Variants in SLC44A1 observed in about 807,000 individuals in gnomAD.
SLC44A1 encodes the protein solute carrier family 44 member 1.
A neutral mutation model predicts 79.3 loss-of-function variants in SLC44A1; 26 were observed. The ratio of observed to expected loss-of-function variants is 0.33; its 90% confidence interval spans 0.24 to 0.46. The LOEUF (loss-of-function observed/expected upper bound fraction) is 0.46. Ranked by LOEUF, SLC44A1 falls within the 20% of genes least tolerant of loss-of-function variation. SLC44A1 has a pLI of 1.00. For synonymous variants in SLC44A1, 263 were observed against 286.2 expected (o/e 0.92, Z 0.82); for missense variants, 688 against 798.1 (o/e 0.86, Z 1.66).
At chr9:105,388,769 A>C (rs1414066944) in intron 15 of SLC44A1, among the ~76,000 whole-genome samples, 1 of 152,208 alleles carries the variant, frequency 6.6e-6, no homozygotes, top group Non-Finnish European at 1.5e-5. Context: ...GAAAGAACTT[A>C]AAGAGAAAAG....
intron 4 of SLC44A1, among the ~76,000 whole-genome samples, chr9:105,344,395 A>T (rs981588006): frequency 6.6e-6 from 1 of 152,174 alleles, no homozygotes; most frequent in African/African-American, 2.4e-5. Context: ...TGGCTGTCAC[A>T]CTGGGTGAGA....
chr9:105,361,531 T>G (rs533350614), intron 8 of SLC44A1, among the ~76,000 whole-genome samples: 2 of 152,338 alleles, frequency 1.3e-5, no homozygotes, highest in African/African-American at 2.4e-5. Flanking sequence ...TGAAACATTT[T>G]TTCTACCCTG....
chr9:105,366,284 G>A (rs1827937912), intron 11 of SLC44A1, 62 bp from the exon 12 acceptor site: 2 of 811,744 alleles, frequency 2.5e-6, no homozygotes, highest in Non-Finnish European at 3.8e-6. Context: ...AACGTTTGAA[G>A]TCTTCTATGT....
At chr9:105,252,930 T>C (rs910963227) in intron 1 of SLC44A1, among the ~76,000 whole-genome samples, 2 of 152,256 alleles carry the variant, frequency 1.3e-5, no homozygotes, top group African/African-American at 4.8e-5. Flanking sequence ...AAAACAGATT[T>C]ACATTTTTCA....
chr9:105,358,440 T>C lies in SLC44A1; in HGVS notation c.760+7T>C. ...GTCATACTCGGTTCACTTGGTAAGC[T>C]ATTTATTTCTTTGTTTTCTACCTCA... is the stretch of plus-strand genomic sequence containing the variant. On this transcript the variant is annotated splice_region_variant and intron_variant, in intron 7 of 15. Coordinates refer to ENST00000374720, the MANE Select transcript of SLC44A1 (RefSeq NM_080546.5). 1 of 1,501,360 alleles carries C rather than the reference T, an allele frequency of 6.7e-7. No individual in the cohort carries two copies. The highest frequency in any genetic ancestry group is 9.3e-7 in the Non-Finnish European group (1 of 1,079,028). 93.0% of individuals were successfully genotyped at this position (1,501,360 alleles called of 1,614,324 possible).
At position 105,392,399 on chromosome 9, in the gene SLC44A1, CTCTCTT is replaced by C. The variant is rs1339199964; in HGVS notation, c.*3345_*3350del. ...TTTTGTAGAGATGCTCTCTCTCTCT[CTCTCTT>C]TTTTTTTTTTTTTTTTTTTTTTTTT... is the stretch of plus-strand genomic sequence containing the variant. On this transcript the variant is annotated 3_prime_UTR_variant, in exon 16 of 16. Coordinates refer to ENST00000374720, the MANE Select transcript of SLC44A1 (RefSeq NM_080546.5). The C allele has an allele frequency of 4.4e-5, 36 of 818,364 alleles. 1 individual carries two copies. The highest frequency in any genetic ancestry group is 3.8e-4 in the African/African-American group (16 of 42,240). 50.7% of individuals were successfully genotyped at this position (818,364 alleles called of 1,614,324 possible).
In SLC44A1 at chr9:105,336,273, C is replaced by A. The variant is rs138641542; in HGVS notation, c.406+574C>A. ...TAGCATCAGTACTTTTTCAATGAGT[C>A]GGTGTGTATATAGTTTTGTGTTCTG... On this transcript the variant is annotated intron_variant, in intron 4 of 15. Transcript: ENST00000374720. 1.2e-3 allele frequency among the ~76,000 whole-genome samples: 186 copies of A among 151,886 alleles called. No homozygotes were observed. In the Middle Eastern group the frequency reaches 0.014, roughly 11 times the overall value.
At chr9:105,315,346 GT>G (rs139999103) in intron 3 of SLC44A1, among the ~76,000 whole-genome samples, 1 of 150,714 alleles carries the variant, frequency 6.6e-6, no homozygotes, top group African/African-American at 2.4e-5. Context: ...TGATAGTAGG[GT>G]TTTTTTAAGT....
At chr9:105,273,503 T>C (rs1234560208) in intron 1 of SLC44A1, among the ~76,000 whole-genome samples, 1 of 152,220 alleles carries the variant, frequency 6.6e-6, no homozygotes, top group Non-Finnish European at 1.5e-5. Context: ...CTAGTTCTTA[T>C]TGAACAGGAT....
At chr9:105,324,331 A>G (rs1826502958) in intron 3 of SLC44A1, among the ~76,000 whole-genome samples, 4 of 150,324 alleles carry the variant, frequency 2.7e-5, no homozygotes, top group Non-Finnish European at 5.9e-5. Context: ...GCTCACTGCA[A>G]CCTCCACCTC....
chr9:105,252,749 C>T (rs923854777), intron 1 of SLC44A1, among the ~76,000 whole-genome samples: 3 of 152,218 alleles, frequency 2.0e-5, no homozygotes, highest in African/African-American at 7.2e-5. Flanking sequence ...ACATTGTTAT[C>T]TCTGCTGTGG....
chr9:105,276,951 G>A (rs533051762), intron 1 of SLC44A1, among the ~76,000 whole-genome samples: 3 of 152,228 alleles, frequency 2.0e-5, no homozygotes, highest in African/African-American at 7.2e-5. Flanking sequence ...TTCCAATCAC[G>A]TTATTGAAAC....
At chr9:105,376,508 G>T (rs1246308040) in intron 13 of SLC44A1, among the ~76,000 whole-genome samples, 1 of 151,930 alleles carries the variant, frequency 6.6e-6, no homozygotes, top group East Asian at 1.9e-4. Context: ...CAAGTAGCTG[G>T]GACTACAGGC....
chr9:105,308,450 TCA>T (rs1481666710), intron 2 of SLC44A1, among the ~76,000 whole-genome samples: 1 of 152,216 alleles, frequency 6.6e-6, no homozygotes, highest in Non-Finnish European at 1.5e-5. Flanking sequence ...GTCTCTACTC[TCA>T]GTCTACTTTT....
chr9:105,245,847 G>A (rs1298869474), intron 1 of SLC44A1, among the ~76,000 whole-genome samples: 1 of 152,178 alleles, frequency 6.6e-6, no homozygotes, highest in Non-Finnish European at 1.5e-5. Flanking sequence ...ACTGTACGAG[G>A]ATCAAATGTA....
intron 15 of SLC44A1, among the ~76,000 whole-genome samples, chr9:105,434,620 A>T (rs1485546575): frequency 6.6e-6 from 1 of 152,196 alleles, no homozygotes; most frequent in African/African-American, 2.4e-5. Context: ...TTTAAGATGG[A>T]GAAGGATGTT....
chr9:105,252,334 A>G (rs928856385), intron 1 of SLC44A1, among the ~76,000 whole-genome samples: 3 of 152,202 alleles, frequency 2.0e-5, no homozygotes, highest in Non-Finnish European at 2.9e-5. Context: ...GTACCAATAC[A>G]TGGTAGGTAC....
At chr9:105,262,160 A>C (rs1829857673) in intron 1 of SLC44A1, among the ~76,000 whole-genome samples, 1 of 152,162 alleles carries the variant, frequency 6.6e-6, no homozygotes. Context: ...TAGATTTTAA[A>C]CTAATTTTCA....
chr9:105,391,800 G>C lies in SLC44A1; in HGVS notation c.*2744G>C, dbSNP rs902726458. On this transcript the variant is annotated 3_prime_UTR_variant, in exon 16 of 16. Transcript: ENST00000374720. The stretch of plus-strand genomic sequence containing the variant: ...ATTTCTCTGTGAAATGTGGATACCC[G>C]AATAATTTCATAAATCATTGATTCT... 1.1e-4 allele frequency: 106 copies of C among 985,000 alleles called. No homozygotes were observed. Among genetic ancestry groups the C allele is most frequent in the Non-Finnish European group, 1.2e-4 (98 of 829,772 alleles). The allele number at this position is 985,000 out of a possible 1,614,324, so 61.0% of individuals were successfully genotyped here.
Sources: gnomAD v4.1 joint callset for allele counts (sites outside exome capture counted in the v4.1 genomes callset) on GRCh38, gnomAD v4.1.1 for gene constraint, MANE v1.5 for transcripts, NCBI Gene and HGNC (gene_info 2026-07-23, HGNC 2026-07-21) for gene names.